The following TRIM33 variants were observed in gnomAD, a reference collection of about 807,000 sequenced individuals.
TRIM33 encodes tripartite motif containing 33.
TRIM33 carries 20 observed loss-of-function variants against 125.4 expected under a neutral mutation model. That is an observed-to-expected ratio of 0.16 (90% CI 0.11 to 0.23). The LOEUF is 0.23. Ranked by LOEUF, TRIM33 falls within the 10% of genes least tolerant of loss-of-function variation. The pLI is 1.00. For synonymous variants in TRIM33, 564 were observed against 513.9 expected (o/e 1.10, Z -1.32); for missense variants, 920 against 1,411.4 (o/e 0.65, Z 5.58).
intron 5 of TRIM33, among the ~76,000 whole-genome samples, chr1:114,432,288 A>G (rs937006918): frequency 3.3e-5 from 5 of 152,034 alleles, no homozygotes; most frequent in South Asian, 2.1e-4. Context: ...TGGGACTGCC[A>G]TATGAATCAA....
At chr1:114,482,427 AAAC>A (rs1487748676) in intron 1 of TRIM33, among the ~76,000 whole-genome samples, 14 of 152,234 alleles carry the variant, frequency 9.2e-5, no homozygotes, top group African/African-American at 3.1e-4. Context: ...GGTTCTTTGA[AAAC>A]AACTGATAAA....
chr1:114,502,133 G>C (rs1652755845), intron 1 of TRIM33, among the ~76,000 whole-genome samples: 1 of 152,168 alleles, frequency 6.6e-6, no homozygotes, highest in South Asian at 2.1e-4. Context: ...CAGTTAATAA[G>C]TACTTTCTTC....
chr1:114,455,847 T>C (rs188650782), intron 4 of TRIM33, among the ~76,000 whole-genome samples: 138 of 152,148 alleles, frequency 9.1e-4, no homozygotes, highest in Non-Finnish European at 1.5e-3. Context: ...CCTGGGACAA[T>C]AGTCTGGCAG....
chr1:114,436,529 A>G (rs1648316897), intron 4 of TRIM33, among the ~76,000 whole-genome samples: 1 of 151,812 alleles, frequency 6.6e-6, no homozygotes, highest in Non-Finnish European at 1.5e-5. Flanking sequence ...GCAGTGGCGC[A>G]ATCTCAGCTC....
intron 1 of TRIM33, among the ~76,000 whole-genome samples, chr1:114,476,496 A>T (rs575432934): frequency 2.0e-4 from 31 of 152,152 alleles, no homozygotes; most frequent in African/African-American, 5.3e-4. Flanking sequence ...CAAATTTTTT[A>T]AAAAAACAGA....
At chr1:114,419,215 A>G (rs1209681380) in intron 11 of TRIM33, among the ~76,000 whole-genome samples, 6 of 149,030 alleles carry the variant, frequency 4.0e-5, no homozygotes, top group Admixed American at 2.7e-4. Flanking sequence ...AAAAAAAAAA[A>G]AAAAAAGAAA....
intron 4 of TRIM33, among the ~76,000 whole-genome samples, chr1:114,457,050 G>C (rs1201697813): frequency 6.6e-6 from 1 of 152,064 alleles, no homozygotes; most frequent in Non-Finnish European, 1.5e-5. Context: ...TGTTTGGTTG[G>C]GTATATCCGT....
intron 12 of TRIM33, 152 bp from the exon 13 acceptor site, chr1:114,408,892 T>C (rs750284453): frequency 8.5e-5 from 49 of 573,636 alleles, no homozygotes; most frequent in Non-Finnish European, 1.5e-4. Context: ...TGTGTAACCA[T>C]TAGCAGACAT....
At chr1:114,398,095 G>T in intron 18 of TRIM33, 105 bp from the exon 19 acceptor site, 1 of 1,140,528 alleles carries the variant, frequency 8.8e-7, no homozygotes, top group Non-Finnish European at 1.2e-6. Flanking sequence ...ATACTAGGGA[G>T]AACAAATTGC....
At chr1:114,429,164 C>A (rs1343688801) in intron 6 of TRIM33, among the ~76,000 whole-genome samples, 2 of 150,998 alleles carry the variant, frequency 1.3e-5, no homozygotes, top group Non-Finnish European at 2.9e-5. Flanking sequence ...AAGGGACCCA[C>A]AACTTTAACA....
intron 4 of TRIM33, among the ~76,000 whole-genome samples, chr1:114,440,539 G>A (rs1249636876): frequency 6.6e-6 from 1 of 152,002 alleles, no homozygotes; most frequent in African/African-American, 2.4e-5. Context: ...AAAATGTTCA[G>A]GCAACTATTT....
At chr1:114,479,364 C>T (rs1651162742) in intron 1 of TRIM33, among the ~76,000 whole-genome samples, 1 of 152,198 alleles carries the variant, frequency 6.6e-6, no homozygotes, top group Non-Finnish European at 1.5e-5. Context: ...CCAAACACAT[C>T]ACAGTCAAAC....
intron 6 of TRIM33, among the ~76,000 whole-genome samples, chr1:114,428,527 T>C (rs1408005478): frequency 1.3e-5 from 2 of 152,220 alleles, no homozygotes; most frequent in Non-Finnish European, 2.9e-5. Flanking sequence ...GGATGGGTAA[T>C]GTCCTACATA....
At chr1:114,422,420 G>A (rs1647260298) in intron 10 of TRIM33, among the ~76,000 whole-genome samples, 1 of 151,954 alleles carries the variant, frequency 6.6e-6, no homozygotes, top group Non-Finnish European at 1.5e-5. Flanking sequence ...TGAACTAAGG[G>A]GTACATGATT....
chr1:114,474,251 A>G (rs563984736), intron 1 of TRIM33, among the ~76,000 whole-genome samples: 3 of 152,144 alleles, frequency 2.0e-5, no homozygotes, highest in Non-Finnish European at 4.4e-5. Flanking sequence ...GAAAAAAGTA[A>G]GTCAAATCAT....
rs1651562299 is a variant in TRIM33 at position 114,396,787 on chromosome 1, T to C, written c.*861A>G. On this transcript the variant is annotated 3_prime_UTR_variant, in exon 20 of 20. Transcript: ENST00000358465. ...TGAAGGAAGACTGGAAAAGAGCCAG[T>C]TGTCACCTTCTCAAATTTAAATGTA... 4.8e-6 allele frequency: 1 copy of C among 208,826 alleles called. No individual in the cohort carries two copies. The highest frequency in any genetic ancestry group is 2.3e-5 in the African/African-American group (1 of 43,974). 12.9% of individuals were successfully genotyped at this position (208,826 alleles called of 1,614,324 possible). A position where few individuals can be genotyped will look rare whatever the true frequency, so the allele number is the denominator to read the frequency against.
At chr1:114,418,242 A>C (rs1653057225) in intron 11 of TRIM33, among the ~76,000 whole-genome samples, 1 of 152,190 alleles carries the variant, frequency 6.6e-6, no homozygotes, top group South Asian at 2.1e-4. Flanking sequence ...TGAGAACAGC[A>C]TGAGGGAAAC....
chr1:114,414,919 A>G (rs1652832666), intron 11 of TRIM33, among the ~76,000 whole-genome samples: 1 of 151,994 alleles, frequency 6.6e-6, no homozygotes, highest in Admixed American at 6.6e-5. Flanking sequence ...CATAACAACT[A>G]ACATTTATTA....
chr1:114,434,883 T>A (rs1352044334), intron 4 of TRIM33, among the ~76,000 whole-genome samples: 1 of 152,162 alleles, frequency 6.6e-6, no homozygotes, highest in Non-Finnish European at 1.5e-5. Context: ...GAGGCATGTT[T>A]GAGACATGTA....
Sources: gnomAD v4.1 joint callset for allele counts (sites outside exome capture counted in the v4.1 genomes callset) on GRCh38, gnomAD v4.1.1 for gene constraint, MANE v1.5 for transcripts, NCBI Gene and HGNC (gene_info 2026-07-23, HGNC 2026-07-21) for gene names.